Variants in DEPTOR observed in about 807,000 individuals in gnomAD.
DEPTOR encodes the protein DEP domain containing MTOR interacting protein, also known as DEP domain-containing mTOR-interacting protein.
DEPTOR carries 41 observed loss-of-function variants against 41.6 expected under a neutral mutation model. The observed-to-expected ratio is 0.98, with a 90% confidence interval of 0.77 to 1.28. The LOEUF is 1.28. DEPTOR is among the 50% of genes most tolerant of loss of function. The pLI, the probability that DEPTOR is intolerant of heterozygous loss-of-function variation, is 0.00. For synonymous variants in DEPTOR, 195 were observed against 192.3 expected (o/e 1.01, Z -0.12); for missense variants, 514 against 527.9 (o/e 0.97, Z 0.26).
At chr8:119,952,475 G>T (rs1484173513) in intron 3 of DEPTOR, among the ~76,000 whole-genome samples, 1 of 152,172 alleles carries the variant, frequency 6.6e-6, no homozygotes, top group Non-Finnish European at 1.5e-5. Flanking sequence ...AGCCCCTAAA[G>T]TTCCAAGATA....
intron 4 of DEPTOR, among the ~76,000 whole-genome samples, chr8:119,994,790 G>A (rs917454671): frequency 4.0e-5 from 6 of 151,822 alleles, no homozygotes; most frequent in South Asian, 2.1e-4. Context: ...GGTGGTGCAC[G>A]CCTGTAGTCT....
intron 1 of DEPTOR, among the ~76,000 whole-genome samples, chr8:119,889,647 G>T: frequency 1.0e-5 from 1 of 99,626 alleles, no homozygotes; most frequent in Non-Finnish European, 2.1e-5. Context: ...GAGGGGAGGG[G>T]AGGATGGGGA....
intron 8 of DEPTOR, among the ~76,000 whole-genome samples, chr8:120,019,029 C>T (rs1426249147): frequency 6.6e-6 from 1 of 152,076 alleles, no homozygotes; most frequent in African/African-American, 2.4e-5. Context: ...TTTTGGCCAG[C>T]TGTGGTGGCT....
At chr8:119,952,608 G>A (rs117080606) in intron 3 of DEPTOR, among the ~76,000 whole-genome samples, 3,726 of 152,288 alleles carry the variant, frequency 0.024, 51 homozygotes, top group Non-Finnish European at 0.034. Context: ...AGTATGTGTT[G>A]TTCCCCCCGG....
intron 1 of DEPTOR, among the ~76,000 whole-genome samples, chr8:119,889,679 G>A (rs13280250): frequency 7.3e-6 from 1 of 136,976 alleles, no homozygotes; most frequent in African/African-American, 2.7e-5. Context: ...GGGAGAGGAG[G>A]GGAGGACAGG....
At chr8:119,962,131 C>G (rs1360878187) in intron 3 of DEPTOR, among the ~76,000 whole-genome samples, 1 of 150,834 alleles carries the variant, frequency 6.6e-6, no homozygotes, top group Non-Finnish European at 1.5e-5. Flanking sequence ...GTGGTGCATG[C>G]CTGTAGTTCC....
chr8:120,030,497 G>GTTATTTTTTTTTTTT (rs1812870719), intron 8 of DEPTOR, among the ~76,000 whole-genome samples: 1 of 46,192 alleles, frequency 2.2e-5, no homozygotes, highest in Non-Finnish European at 3.7e-5. Flanking sequence ...AGGTTCATCA[G>GTTATTTTTTTTTTTT]TTTTTTTTTT....
At chr8:119,994,759 T>C (rs1812230722) in intron 4 of DEPTOR, among the ~76,000 whole-genome samples, 1 of 151,452 alleles carries the variant, frequency 6.6e-6, no homozygotes. Flanking sequence ...CTACTAAAAA[T>C]ACAAAAAATT....
chr8:119,876,906 A>G (rs1827238144), intron 1 of DEPTOR, among the ~76,000 whole-genome samples: 1 of 152,238 alleles, frequency 6.6e-6, no homozygotes, highest in African/African-American at 2.4e-5. Context: ...ATTAATGAGC[A>G]TTCAACAAAT....
intron 1 of DEPTOR, among the ~76,000 whole-genome samples, chr8:119,885,045 T>C (rs1008557294): frequency 1.7e-4 from 26 of 152,200 alleles, no homozygotes; most frequent in African/African-American, 6.0e-4. Flanking sequence ...AGGCGTGAGC[T>C]ACCTTGCCTG....
intron 4 of DEPTOR, among the ~76,000 whole-genome samples, chr8:119,975,125 A>G (rs1828681696): frequency 6.6e-6 from 1 of 151,802 alleles, no homozygotes; most frequent in Non-Finnish European, 1.5e-5. Flanking sequence ...ACATAGCAAA[A>G]TCCCATCTCT....
chr8:119,891,174 C>T (rs1383151520), intron 1 of DEPTOR: 1 of 151,902 alleles, frequency 6.6e-6, no homozygotes, highest in African/African-American at 2.4e-5. Flanking sequence ...CCTGTCCCTG[C>T]TTAGCTTCCG....
chr8:120,015,951 T>C (rs1280751821), intron 8 of DEPTOR, among the ~76,000 whole-genome samples: 1 of 152,102 alleles, frequency 6.6e-6, no homozygotes, highest in Non-Finnish European at 1.5e-5. Flanking sequence ...GCCAGGAACA[T>C]GTGGGGCAGG....
chr8:119,976,910 G>A (rs1039847463), intron 4 of DEPTOR, among the ~76,000 whole-genome samples: 1 of 152,184 alleles, frequency 6.6e-6, no homozygotes, highest in Non-Finnish European at 1.5e-5. Context: ...ACAGGAAAAT[G>A]AGTGCTTGGC....
At chr8:120,010,071 G>T (rs1057135739) in intron 8 of DEPTOR, among the ~76,000 whole-genome samples, 3 of 152,056 alleles carry the variant, frequency 2.0e-5, no homozygotes, top group Admixed American at 1.3e-4. Context: ...ATGAACTTTG[G>T]CAGAGATCTG....
chr8:119,941,253 A>G (rs1254389570), intron 3 of DEPTOR, among the ~76,000 whole-genome samples: 1 of 151,632 alleles, frequency 6.6e-6, no homozygotes, highest in Non-Finnish European at 1.5e-5. Context: ...TATGCTTGTA[A>G]TCCCAGTTTC....
intron 1 of DEPTOR, among the ~76,000 whole-genome samples, chr8:119,923,587 A>G (rs980836576): frequency 6.6e-6 from 1 of 152,102 alleles, no homozygotes; most frequent in Non-Finnish European, 1.5e-5. Context: ...TATTTTTTCA[A>G]TAAGAATTTC....
chr8:119,883,036 G>C (rs533025137), intron 1 of DEPTOR, among the ~76,000 whole-genome samples: 13 of 152,234 alleles, frequency 8.5e-5, no homozygotes, highest in Admixed American at 2.6e-4. Context: ...CAGATAGGAT[G>C]CTTGCAAGGT....
At chr8:119,920,063 G>T (rs1243931984) in intron 1 of DEPTOR, among the ~76,000 whole-genome samples, 1 of 151,786 alleles carries the variant, frequency 6.6e-6, no homozygotes, top group Admixed American at 6.6e-5. Context: ...TAAAGCCTGT[G>T]AACCAGCTGT....
Sources: gnomAD v4.1 joint callset for allele counts (sites outside exome capture counted in the v4.1 genomes callset) on GRCh38, gnomAD v4.1.1 for gene constraint, MANE v1.5 for transcripts, NCBI Gene and HGNC (gene_info 2026-07-23, HGNC 2026-07-21) for gene names.